Variants in RANBP10 observed in about 807,000 individuals in gnomAD.
RANBP10 encodes the protein RAN binding protein 10.
In RANBP10, 24 loss-of-function variants were observed where a neutral mutation model predicts 72.8. The observed-to-expected ratio is 0.33, with a 90% CI of 0.24 to 0.46. RANBP10 has a LOEUF of 0.46. Ranked by LOEUF, RANBP10 falls within the 20% of genes least tolerant of loss-of-function variation. The probability of loss-of-function intolerance (pLI) is 1.00; values close to 1 mark genes in which losing one functional copy is unlikely to be tolerated. For synonymous variants in RANBP10, 310 were observed against 322.3 expected (o/e 0.96, Z 0.41); for missense variants, 679 against 817.5 (o/e 0.83, Z 2.07).
chr16:67,748,722 T>C (rs1481280213), intron 3 of RANBP10, among the ~76,000 whole-genome samples: 2 of 151,978 alleles, frequency 1.3e-5, no homozygotes, highest in East Asian at 3.9e-4. Flanking sequence ...GGCAAAGGCA[T>C]GAGTACAGGT....
chr16:67,733,979 C>T (rs899835883), intron 6 of RANBP10, among the ~76,000 whole-genome samples: 11 of 152,174 alleles, frequency 7.2e-5, no homozygotes, highest in African/African-American at 2.7e-4. Flanking sequence ...AAGTCCTTGT[C>T]ATCTGCTCTG....
At position 67,729,337 on chromosome 16, in the gene RANBP10, T is replaced by A. The variant is rs768955867; in HGVS notation, c.1295A>T (p.Asn432Ile). 6.2e-7 allele frequency: 1 copy of A among 1,612,184 alleles called. No individual in the cohort carries two copies. The highest frequency in any genetic ancestry group is 8.5e-7 in the Non-Finnish European group (1 of 1,179,224). ...SPSSVNYSES[N>I]STDSTKSQHH... is the part of the protein sequence containing the mutation. ...CTGGGACTTGGTGGAGTCTGTTGAG[T>A]TGGACTCGGAGTAATTGACGGAGGA... Residue 432 changes from asparagine (N) to isoleucine (I), a missense_variant, in exon 10 of 14, where the codon AAC becomes ATC. Coordinates refer to ENST00000317506, the MANE Select transcript of RANBP10 (RefSeq NM_020850.3). This position sits in a 1 kb window ranked among gnomAD's most constrained non-coding sequence, Gnocchi z 7.1.
At chr16:67,745,112 G>A (rs2054045866) in intron 3 of RANBP10, among the ~76,000 whole-genome samples, 2 of 152,064 alleles carry the variant, frequency 1.3e-5, no homozygotes, top group South Asian at 4.2e-4. Context: ...TTACAGGAGT[G>A]AGCCACCGTG....
chr16:67,774,640 C>T (rs2054665637), intron 2 of RANBP10, among the ~76,000 whole-genome samples: 1 of 152,200 alleles, frequency 6.6e-6, no homozygotes, highest in Non-Finnish European at 1.5e-5. Context: ...GGCACCATTC[C>T]ACCTCTAGGT....
intron 2 of RANBP10, among the ~76,000 whole-genome samples, chr16:67,774,372 A>G (rs1022045279): frequency 1.2e-4 from 19 of 152,344 alleles, no homozygotes; most frequent in Admixed American, 1.2e-3. Flanking sequence ...CTCTGGTTCC[A>G]CAACATTCTA....
chr16:67,806,269 G>T, intron 1 of RANBP10, 33 bp downstream of exon 1: 1 of 1,573,450 alleles, frequency 6.4e-7, no homozygotes, highest in Non-Finnish European at 8.6e-7. Flanking sequence ...GGACGCTCTA[G>T]CCTTAATTCC....
chr16:67,775,415 AG>A, intron 2 of RANBP10, among the ~76,000 whole-genome samples: 1 of 152,312 alleles, frequency 6.6e-6, no homozygotes, highest in East Asian at 1.9e-4. Flanking sequence ...TATTCAAGAC[AG>A]TATTGGGAGT....
chr16:67,781,561 G>A (rs1291242510), intron 2 of RANBP10, among the ~76,000 whole-genome samples: 1 of 152,126 alleles, frequency 6.6e-6, no homozygotes, highest in East Asian at 1.9e-4. Context: ...GTAAGGTAAA[G>A]CCATCTGATT....
At chr16:67,765,505 C>T (rs1377343439) in intron 3 of RANBP10, among the ~76,000 whole-genome samples, 1 of 151,388 alleles carries the variant, frequency 6.6e-6, no homozygotes, top group East Asian at 2.0e-4. Flanking sequence ...CCAGCTTGGG[C>T]AACAAGAGCA....
chr16:67,779,405 A>T (rs1182831671), intron 2 of RANBP10, among the ~76,000 whole-genome samples: 1 of 152,024 alleles, frequency 6.6e-6, no homozygotes, highest in Non-Finnish European at 1.5e-5. Flanking sequence ...TCAAAGAAAA[A>T]AAAAAAAAAA....
At chr16:67,756,316 G>A (rs949783310) in intron 3 of RANBP10, among the ~76,000 whole-genome samples, 2 of 152,248 alleles carry the variant, frequency 1.3e-5, no homozygotes, top group Non-Finnish European at 2.9e-5. Flanking sequence ...TTCCTCAGAA[G>A]CCGCAAGTTA....
intron 3 of RANBP10, among the ~76,000 whole-genome samples, chr16:67,745,706 G>A (rs1033387384): frequency 5.9e-5 from 9 of 151,882 alleles, no homozygotes; most frequent in Admixed American, 1.3e-4. Context: ...CCACCACCAC[G>A]ATCAACACAC....
chr16:67,744,253 C>T (rs769824551), intron 4 of RANBP10, 35 bp downstream of exon 4: 1 of 1,593,976 alleles, frequency 6.3e-7, no homozygotes, highest in African/African-American at 1.3e-5. Context: ...AGTGGCTCCA[C>T]AGAGCAGAGC....
chr16:67,752,259 G>A (rs572277785), intron 3 of RANBP10, among the ~76,000 whole-genome samples: 5 of 152,310 alleles, frequency 3.3e-5, no homozygotes, highest in African/African-American at 1.2e-4. Context: ...GGATGACAGT[G>A]GATTATCCAG....
intron 3 of RANBP10, among the ~76,000 whole-genome samples, chr16:67,746,496 A>AATG (rs2054082563): frequency 6.6e-6 from 1 of 152,058 alleles, no homozygotes; most frequent in South Asian, 2.1e-4. Flanking sequence ...TAATAATAAT[A>AATG]ATAAATTAGC....
chr16:67,806,033 T>G (rs1293669136), intron 1 of RANBP10, among the ~76,000 whole-genome samples: 1 of 152,256 alleles, frequency 6.6e-6, no homozygotes, highest in Non-Finnish European at 1.5e-5. Context: ...CAGCCTAGGA[T>G]AAGCACGGAG....
At chr16:67,741,483 G>A (rs548188351) in intron 4 of RANBP10, among the ~76,000 whole-genome samples, 18 of 152,312 alleles carry the variant, frequency 1.2e-4, no homozygotes, top group African/African-American at 4.3e-4. Flanking sequence ...AGCTGAACTT[G>A]CTGATAAGGA....
chr16:67,775,790 TAAAAAAAA>T (rs34379359), intron 2 of RANBP10, among the ~76,000 whole-genome samples: 3 of 76,748 alleles, frequency 3.9e-5, no homozygotes, highest in African/African-American at 1.3e-4. Flanking sequence ...AGACTCCGTC[TAAAAAAAA>T]AAAAAAAAAA....
At chr16:67,731,325 G>C (rs367858929) in intron 7 of RANBP10, 147 bp downstream of exon 7, 3 of 634,442 alleles carry the variant, frequency 4.7e-6, no homozygotes, top group South Asian at 3.7e-5. Context: ...CTTGAAGGTG[G>C]GACAGGAACA....
Sources: allele counts gnomAD v4.1 joint callset (sites outside exome capture counted in the v4.1 genomes callset), GRCh38; gene constraint gnomAD v4.1.1; non-coding constraint Gnocchi (gnomAD v3.1); transcripts MANE v1.5; gene names NCBI Gene and HGNC (gene_info 2026-07-23, HGNC 2026-07-21).